Variants in COMMD10 observed in about 807,000 individuals in gnomAD.
COMMD10 encodes COMM domain-containing protein 10.
Under a neutral mutation model 28.9 loss-of-function variants are expected in COMMD10, and 33 were observed. That is an observed-to-expected ratio of 1.14 (90% CI 0.87 to 1.53). COMMD10 has a LOEUF of 1.53. COMMD10 is among the 40% of genes most tolerant of loss of function. The pLI, the probability that COMMD10 is intolerant of heterozygous loss-of-function variation, is 0.00. For missense variants in COMMD10, 310 were observed against 233.4 expected (o/e 1.33, Z -2.14); for synonymous variants, 110 against 81.7 (o/e 1.35, Z -1.87).
At chr5:116,207,271 A>T (rs112807258) in intron 5 of COMMD10, among the ~76,000 whole-genome samples, 4 of 152,198 alleles carry the variant, frequency 2.6e-5, no homozygotes, top group Admixed American at 6.5e-5. Context: ...TTTTATATCA[A>T]TATGAACTGC....
intron 5 of COMMD10, among the ~76,000 whole-genome samples, chr5:116,272,089 A>C (rs79753285): frequency 0.028 from 4,269 of 151,874 alleles, 266 homozygotes; most frequent in African/African-American, 0.098. Flanking sequence ...AAAGATGCAA[A>C]TTTTATTTCT....
chr5:116,149,748 G>A (rs546985181), intron 5 of COMMD10, among the ~76,000 whole-genome samples: 174 of 143,924 alleles, frequency 1.2e-3, no homozygotes, highest in African/African-American at 4.1e-3. Flanking sequence ...TGTAGATTCT[G>A]GATATTAGCC....
chr5:116,176,197 C>T (rs1753505668), intron 5 of COMMD10, among the ~76,000 whole-genome samples: 1 of 152,162 alleles, frequency 6.6e-6, no homozygotes, highest in Non-Finnish European at 1.5e-5. Flanking sequence ...CTGCAACCTC[C>T]ACCTACAAGA....
intron 5 of COMMD10, among the ~76,000 whole-genome samples, chr5:116,288,312 T>C (rs903025503): frequency 2.0e-5 from 3 of 151,900 alleles, no homozygotes; most frequent in African/African-American, 2.4e-5. Context: ...AGAAATTTGC[T>C]GATAATATTA....
chr5:116,229,832 T>G (rs1016680694), intron 5 of COMMD10, among the ~76,000 whole-genome samples: 1 of 152,046 alleles, frequency 6.6e-6, no homozygotes, highest in Non-Finnish European at 1.5e-5. Flanking sequence ...AATTCAGGTC[T>G]TTGGTTATTT....
intron 5 of COMMD10, among the ~76,000 whole-genome samples, chr5:116,238,310 G>A (rs545397545): frequency 1.7e-3 from 258 of 152,310 alleles, no homozygotes; most frequent in African/African-American, 5.8e-3. Context: ...TGACAATTAA[G>A]AACAGAGTTT....
At chr5:116,153,939 A>G (rs1752619560) in intron 5 of COMMD10, among the ~76,000 whole-genome samples, 1 of 152,062 alleles carries the variant, frequency 6.6e-6, no homozygotes, top group Non-Finnish European at 1.5e-5. Context: ...AGCACTTAGA[A>G]TACTAGAGAA....
Position 116,228,005 on chromosome 5 carries a change from C to A in COMMD10, c.511-63512C>A, listed in dbSNP as rs544488308. ...AAATGTCATCAGAATAATGCACATA[C>A]ATTTCAATGGAGGTTAAAATCTTTT... On this transcript the variant is annotated intron_variant, in intron 5 of 6. Transcript: ENST00000274458. 5.9e-5 allele frequency among the ~76,000 whole-genome samples: 9 copies of A among 152,106 alleles called. No homozygotes were observed. The East Asian group carries it at 1.7e-3, about 29-fold the overall frequency.
Position 116,282,997 on chromosome 5 carries a change from C to G in COMMD10, c.511-8520C>G, listed in dbSNP as rs1341883843. 2.0e-5 allele frequency among the ~76,000 whole-genome samples: 3 copies of G among 151,864 alleles called. No homozygotes were observed. The East Asian group carries it at 5.8e-4, about 29-fold the overall frequency. On this transcript the variant is annotated intron_variant, in intron 5 of 6. Transcript: ENST00000274458. ...TCTGGTGGGTTTTGTGGGAACTAAGCAAGTTAGATTAGAGAAGATTCTGTA... is the reference window on the plus strand; with the variant it reads ...TCTGGTGGGTTTTGTGGGAACTAAGGAAGTTAGATTAGAGAAGATTCTGTA...
rs368885693 is a variant in COMMD10 at position 116,104,800 on chromosome 5, T to C, written c.399+12100T>C. ...AAGCCCAGCTAATTTTTTGTATTTTTAGTAGAGACGGGGTTTCACTGTCTT... is the reference window on the plus strand; with the variant it reads ...AAGCCCAGCTAATTTTTTGTATTTTCAGTAGAGACGGGGTTTCACTGTCTT... On this transcript the variant is annotated intron_variant, in intron 4 of 6. Coordinates refer to ENST00000274458, the MANE Select transcript of COMMD10 (RefSeq NM_016144.4). 1.9e-3 allele frequency among the ~76,000 whole-genome samples: 290 copies of C among 152,260 alleles called. 2 individuals are homozygous for C. Among genetic ancestry groups the C allele is most frequent in the African/African-American group, 6.6e-3 (274 of 41,552 alleles).
At position 116,278,970 on chromosome 5, in the gene COMMD10, T is replaced by G. The variant is rs145942493; in HGVS notation, c.511-12547T>G. 1.6e-3 allele frequency among the ~76,000 whole-genome samples: 239 copies of G among 151,990 alleles called. 5 individuals are homozygous for G. The highest frequency in any genetic ancestry group is 5.5e-3 in the African/African-American group (227 of 41,302). On this transcript the variant is annotated intron_variant, in intron 5 of 6. Coordinates refer to ENST00000274458, the MANE Select transcript of COMMD10 (RefSeq NM_016144.4). ...ACAAAATCCACTTATTCTGATATTTTCCATATCCAATATTTTTTTCCTTCA... is the reference window on the plus strand; with the variant it reads ...ACAAAATCCACTTATTCTGATATTTGCCATATCCAATATTTTTTTCCTTCA...
chr5:116,212,496 C>CTGTGTGTGTGTGTGTGTGTG (rs11268771), intron 5 of COMMD10, among the ~76,000 whole-genome samples: 4,595 of 63,770 alleles, frequency 0.072, 259 homozygotes, highest in Admixed American at 0.14. Context: ...TACTGAAATG[C>CTGTGTGTGTGTGTGTGTGTG]TGTGTGTGTG....
intron 5 of COMMD10, among the ~76,000 whole-genome samples, chr5:116,224,826 C>A (rs1208360638): frequency 6.6e-6 from 1 of 152,142 alleles, no homozygotes; most frequent in Non-Finnish European, 1.5e-5. Context: ...GTTGGCATTA[C>A]ATTTTATTTT....
At chr5:116,284,384 T>C (rs1751164346) in intron 5 of COMMD10, among the ~76,000 whole-genome samples, 3 of 151,808 alleles carry the variant, frequency 2.0e-5, no homozygotes, top group African/African-American at 7.3e-5. Context: ...ATAGATATAC[T>C]TTGGTTTAAT....
chr5:116,199,154 A>C (rs1277136727), intron 5 of COMMD10, among the ~76,000 whole-genome samples: 1 of 152,124 alleles, frequency 6.6e-6, no homozygotes, highest in African/African-American at 2.4e-5. Flanking sequence ...TGGCCATTTT[A>C]GTAAGTGTGT....
chr5:116,145,155 G>T (rs1381155596), intron 5 of COMMD10, among the ~76,000 whole-genome samples: 1 of 151,850 alleles, frequency 6.6e-6, no homozygotes, highest in African/African-American at 2.4e-5. Context: ...GGCGGTTCTA[G>T]TAGGTTTGAG....
chr5:116,191,102 C>G (rs1748355767), intron 5 of COMMD10, among the ~76,000 whole-genome samples: 1 of 151,904 alleles, frequency 6.6e-6, no homozygotes, highest in South Asian at 2.1e-4. Context: ...ATGCTATTTC[C>G]AGATTTCAGA....
intron 4 of COMMD10, among the ~76,000 whole-genome samples, chr5:116,127,474 C>G (rs539274792): frequency 2.6e-5 from 4 of 152,304 alleles, no homozygotes; most frequent in Admixed American, 1.3e-4. Flanking sequence ...GACACATGCA[C>G]ACGCATGTTT....
At position 116,117,803 on chromosome 5, in the gene COMMD10, T is replaced by G. The variant is rs559723140; in HGVS notation, c.400-16265T>G. 2.0e-5 allele frequency among the ~76,000 whole-genome samples: 3 copies of G among 152,302 alleles called. No homozygotes were observed. In the South Asian group the frequency reaches 6.2e-4, roughly 32 times the overall value. On this transcript the variant is annotated intron_variant, in intron 4 of 6. Coordinates refer to ENST00000274458, the MANE Select transcript of COMMD10 (RefSeq NM_016144.4). ...TTCTTAATGCATTCAAATTGTTGTT[T>G]TAAAAAAACGTTTTGTATAGAGATT...
Sources: gnomAD v4.1 joint callset for allele counts (sites outside exome capture counted in the v4.1 genomes callset) on GRCh38, gnomAD v4.1.1 for gene constraint, MANE v1.5 for transcripts, NCBI Gene and HGNC (gene_info 2026-07-23, HGNC 2026-07-21) for gene names.